ACVR1: variants seen among roughly 807,000 people sequenced by gnomAD.
ACVR1 encodes the protein activin A receptor type 1, also known as activin receptor type-1.
ACVR1 carries 38 observed loss-of-function variants against 57.1 expected under a neutral mutation model. The observed-to-expected ratio is 0.67, with a 90% CI of 0.51 to 0.87. The LOEUF is 0.87. Ranked by LOEUF, ACVR1 falls within the 40% of genes least tolerant of loss-of-function variation. The probability of loss-of-function intolerance (pLI) is 0.00; values close to 1 mark genes in which losing one functional copy is unlikely to be tolerated. For missense variants in ACVR1, 463 were observed against 638.2 expected (o/e 0.73, Z 2.96); for synonymous variants, 212 against 228.1 (o/e 0.93, Z 0.63).
intron 1 of ACVR1, among the ~76,000 whole-genome samples, chr2:157,830,353 C>A (rs1337188757): frequency 6.6e-6 from 1 of 151,946 alleles, no homozygotes; most frequent in African/African-American, 2.4e-5. Flanking sequence ...AATAATAATG[C>A]TAATGGAAAA....
At position 157,774,197 on chromosome 2, in the gene ACVR1, A is replaced by C; in HGVS notation, c.544-10T>G. On this transcript the variant is annotated splice_polypyrimidine_tract_variant and intron_variant, in intron 5 of 10. Coordinates refer to ENST00000434821, the MANE Select transcript of ACVR1 (RefSeq NM_001111067.4). ...AATGATCCAATAAATCCTGTGGTTTAAGACAAGGGGGAAAAGAAACGATTG... is the reference window on the plus strand; with the variant it reads ...AATGATCCAATAAATCCTGTGGTTTCAGACAAGGGGGAAAAGAAACGATTG... 1 of 1,611,034 alleles carries C rather than the reference A, an allele frequency of 6.2e-7. No homozygotes were observed. The highest frequency in any genetic ancestry group is 8.5e-7 in the Non-Finnish European group (1 of 1,177,218).
chr2:157,756,366 C>T (rs554420881), intron 9 of ACVR1, among the ~76,000 whole-genome samples: 2 of 152,168 alleles, frequency 1.3e-5, no homozygotes, highest in South Asian at 2.1e-4. Flanking sequence ...GCAGGGTAAA[C>T]TGACACCCCA....
chr2:157,825,068 C>G (rs1240572019), intron 1 of ACVR1, among the ~76,000 whole-genome samples: 1 of 152,150 alleles, frequency 6.6e-6, no homozygotes, highest in African/African-American at 2.4e-5. Context: ...TCTCTCTCTT[C>G]TTTATTCCTG....
intron 1 of ACVR1, among the ~76,000 whole-genome samples, chr2:157,849,892 G>C (rs981907825): frequency 6.6e-6 from 1 of 152,182 alleles, no homozygotes; most frequent in Non-Finnish European, 1.5e-5. Flanking sequence ...CTTGAAATCA[G>C]CAGATTCTTT....
intron 1 of ACVR1, among the ~76,000 whole-genome samples, chr2:157,863,957 T>C (rs1689826173): frequency 6.6e-6 from 1 of 150,510 alleles, no homozygotes; most frequent in Non-Finnish European, 1.5e-5. Context: ...CCTCCTGAGT[T>C]CAAGAGATTC....
chr2:157,765,864 C>G (rs1685843234), intron 8 of ACVR1, 57 bp downstream of exon 8: 1 of 1,579,128 alleles, frequency 6.3e-7, no homozygotes, highest in Non-Finnish European at 8.7e-7. Context: ...TGCAACTCAC[C>G]TAACCATTGA....
At chr2:157,865,770 G>A (rs1251207614) in intron 1 of ACVR1, among the ~76,000 whole-genome samples, 2 of 146,062 alleles carry the variant, frequency 1.4e-5, no homozygotes, top group African/African-American at 2.5e-5. Flanking sequence ...ACTCCAGCCC[G>A]GGCAAAAAGA....
chr2:157,839,347 G>T (rs35339214), intron 1 of ACVR1, among the ~76,000 whole-genome samples: 1 of 152,186 alleles, frequency 6.6e-6, no homozygotes, highest in Non-Finnish European at 1.5e-5. Context: ...GTCAGATAAG[G>T]AATTTTCATT....
intron 8 of ACVR1, among the ~76,000 whole-genome samples, chr2:157,762,325 T>C (rs1263817323): frequency 6.6e-6 from 1 of 152,226 alleles, no homozygotes; most frequent in African/African-American, 2.4e-5. Context: ...GTTACTAATG[T>C]TCATCTTTTA....
chr2:157,859,312 C>A (rs958343670), intron 1 of ACVR1, among the ~76,000 whole-genome samples: 1 of 152,140 alleles, frequency 6.6e-6, no homozygotes, highest in African/African-American at 2.4e-5. Flanking sequence ...ACAAATGCCA[C>A]GGCAATGTCA....
chr2:157,762,257 G>C (rs1398151497), intron 8 of ACVR1, among the ~76,000 whole-genome samples: 1 of 152,184 alleles, frequency 6.6e-6, no homozygotes, highest in Non-Finnish European at 1.5e-5. Context: ...TTTTGAGAGA[G>C]ATACCATATT....
intron 7 of ACVR1, among the ~76,000 whole-genome samples, chr2:157,767,701 A>G (rs1685918540): frequency 1.3e-5 from 2 of 152,182 alleles, no homozygotes; most frequent in Admixed American, 1.3e-4. Context: ...CAAGCTGGTA[A>G]GAAAGACATC....
chr2:157,795,722 G>C (rs1045531251), intron 3 of ACVR1, among the ~76,000 whole-genome samples: 3 of 151,500 alleles, frequency 2.0e-5, no homozygotes, highest in African/African-American at 7.3e-5. Context: ...TTCAGCTTAA[G>C]AGCTGAAAGC....
chr2:157,841,059 C>T (rs372648791), intron 1 of ACVR1, among the ~76,000 whole-genome samples: 2 of 152,212 alleles, frequency 1.3e-5, no homozygotes, highest in African/African-American at 4.8e-5. Context: ...TTCAGCACAA[C>T]CTACCAGGTA....
rs549501712 is a variant in ACVR1 at position 157,764,291 on chromosome 2, T to C, written c.1066+1630A>G. 6.6e-5 allele frequency among the ~76,000 whole-genome samples: 10 copies of C among 152,022 alleles called. No homozygotes were observed. The South Asian group carries it at 2.1e-3, about 32-fold the overall frequency. ...TCCGCCTCCTGGGTTCAAGCAATTC[T>C]GCTGCCTCAGCCTCCCCAGTAGCTG... On this transcript the variant is annotated intron_variant, in intron 8 of 10. Transcript: ENST00000434821.
intron 1 of ACVR1, among the ~76,000 whole-genome samples, chr2:157,823,971 C>CAA (rs1688246856): frequency 6.6e-6 from 1 of 152,110 alleles, no homozygotes; most frequent in African/African-American, 2.4e-5. Context: ...TCTTTTCCTG[C>CAA]AAAACAGGCG....
intron 1 of ACVR1, among the ~76,000 whole-genome samples, chr2:157,855,323 T>TAC (rs138199528): frequency 8.3e-5 from 9 of 108,556 alleles, no homozygotes; most frequent in African/African-American, 3.5e-4. Context: ...TATATATATA[T>TAC]ACACACACAC....
intron 2 of ACVR1, among the ~76,000 whole-genome samples, chr2:157,806,475 A>C (rs1272422316): frequency 6.6e-6 from 1 of 152,230 alleles, no homozygotes; most frequent in African/African-American, 2.4e-5. Flanking sequence ...TTAGGGGCAA[A>C]GTTAGGCCCA....
At chr2:157,839,649 G>A in intron 1 of ACVR1, among the ~76,000 whole-genome samples, 1 of 152,096 alleles carries the variant, frequency 6.6e-6, no homozygotes, top group East Asian at 1.9e-4. Flanking sequence ...CAACTACCAG[G>A]CATGGCATCC....
Sources: allele counts gnomAD v4.1 joint callset (sites outside exome capture counted in the v4.1 genomes callset), GRCh38; gene constraint gnomAD v4.1.1; transcripts MANE v1.5; gene names NCBI Gene and HGNC (gene_info 2026-07-23, HGNC 2026-07-21).